The following ASAP2 variants were observed in gnomAD, a reference collection of about 807,000 sequenced individuals.
The protein encoded by ASAP2 is ArfGAP with SH3 domain, ankyrin repeat and PH domain 2.
A neutral mutation model predicts 131.4 loss-of-function variants in ASAP2; 45 were observed. The observed-to-expected ratio is 0.34, with a 90% CI of 0.27 to 0.44. ASAP2 has a LOEUF of 0.44. Among genes scored for constraint, ASAP2 ranks in the 20% least tolerant of loss-of-function variants. The pLI is 1.00. For missense variants in ASAP2, 1,011 were observed against 1,297.0 expected (o/e 0.78, Z 3.39); for synonymous variants, 510 against 503.0 (o/e 1.01, Z -0.19).
chr2:9,320,238 C>T, intron 4 of ASAP2, 50 bp from the exon 5 acceptor site: 1 of 1,479,498 alleles, frequency 6.8e-7, no homozygotes, highest in Non-Finnish European at 9.4e-7. Context: ...GTTTATCTTG[C>T]ACAGAAGTGA....
chr2:9,208,300 G>T (rs1661281857), intron 1 of ASAP2, among the ~76,000 whole-genome samples: 1 of 140,064 alleles, frequency 7.1e-6, no homozygotes, highest in African/African-American at 2.6e-5. Flanking sequence ...ATTGGGTATT[G>T]CAGGTGTTTT....
Position 9,215,668 on chromosome 2 carries a change from T to G in ASAP2, c.126+8438T>G, listed in dbSNP as rs1661969650. Among the ~76,000 whole-genome samples, 7 of 151,208 alleles carry G rather than the reference T, an allele frequency of 4.6e-5. No homozygotes were observed. In the South Asian group the frequency reaches 1.5e-3, roughly 32 times the overall value. On this transcript the variant is annotated intron_variant, in intron 1 of 27. Coordinates refer to ENST00000281419, the MANE Select transcript of ASAP2 (RefSeq NM_003887.3). ...GATGGTAAGATTTGTTTAGCTAGTT[T>G]TTTTTTTTTTTTTGGAGTGATGGAT...
chr2:9,246,928 C>T (rs1156445778), intron 1 of ASAP2, among the ~76,000 whole-genome samples: 1 of 152,140 alleles, frequency 6.6e-6, no homozygotes, highest in African/African-American at 2.4e-5. Flanking sequence ...GCAGCCTTGA[C>T]CTCCTGGACT....
chr2:9,350,209 G>A (rs1672242952), intron 11 of ASAP2, among the ~76,000 whole-genome samples: 1 of 152,126 alleles, frequency 6.6e-6, no homozygotes, highest in Non-Finnish European at 1.5e-5. Context: ...GTGTGGGGGA[G>A]AGGGTTTGGG....
intron 15 of ASAP2, among the ~76,000 whole-genome samples, chr2:9,360,439 C>T (rs962135868): frequency 6.6e-6 from 1 of 152,152 alleles, no homozygotes; most frequent in Non-Finnish European, 1.5e-5. Flanking sequence ...AAACCTTTGA[C>T]GAGCCTGGGA....
chr2:9,362,538 C>T (rs1673171860), intron 15 of ASAP2, among the ~76,000 whole-genome samples: 1 of 152,144 alleles, frequency 6.6e-6, no homozygotes, highest in African/African-American at 2.4e-5. Context: ...GGTGAGAACA[C>T]TTAAAATCTA....
At chr2:9,334,641 AATG>A in intron 7 of ASAP2, 94 bp from the exon 8 acceptor site, 1 of 1,051,010 alleles carries the variant, frequency 9.5e-7, no homozygotes, top group Non-Finnish European at 1.4e-6. Context: ...GGAGTTACAT[AATG>A]ACTTCAGTCA....
chr2:9,317,523 C>T (rs557396708), intron 3 of ASAP2, among the ~76,000 whole-genome samples: 1 of 148,230 alleles, frequency 6.7e-6, no homozygotes, highest in Non-Finnish European at 1.5e-5. Context: ...AATCACACCC[C>T]ACACTCAAAT....
intron 15 of ASAP2, among the ~76,000 whole-genome samples, chr2:9,367,080 G>C (rs932605913): frequency 1.6e-4 from 24 of 147,300 alleles, no homozygotes; most frequent in Non-Finnish European, 7.4e-5. Context: ...GCCCAGGCTG[G>C]AGTCCAGTGG....
intron 11 of ASAP2, among the ~76,000 whole-genome samples, chr2:9,349,149 A>G (rs73148762): frequency 1.6e-3 from 237 of 152,358 alleles, no homozygotes; most frequent in African/African-American, 5.4e-3. Context: ...TTGTATAGGT[A>G]TATAATAAAA....
intron 1 of ASAP2, among the ~76,000 whole-genome samples, chr2:9,252,059 C>T (rs567474607): frequency 3.3e-5 from 5 of 152,130 alleles, no homozygotes; most frequent in Non-Finnish European, 7.3e-5. Context: ...CTGTACAAAA[C>T]CTTCCCTCTG....
chr2:9,270,785 ATTTTTTTTTTTTT>A (rs35913703), intron 1 of ASAP2, among the ~76,000 whole-genome samples: 2 of 52,924 alleles, frequency 3.8e-5, no homozygotes, highest in East Asian at 9.8e-4. Context: ...AATTGTTTTC[ATTTTTTTTTTTTT>A]TTTTTTTTTT....
intron 19 of ASAP2, 46 bp downstream of exon 19, chr2:9,379,105 C>T (rs1213396997): frequency 3.7e-6 from 5 of 1,348,952 alleles, no homozygotes; most frequent in Non-Finnish European, 4.9e-6. Flanking sequence ...GCACCCTGGC[C>T]TCTGCCTCCT....
chr2:9,258,497 A>C (rs1665335233), intron 1 of ASAP2, among the ~76,000 whole-genome samples: 1 of 152,158 alleles, frequency 6.6e-6, no homozygotes, highest in Non-Finnish European at 1.5e-5. Flanking sequence ...TGTATCTAGA[A>C]GCTCAGAGGA....
intron 9 of ASAP2, among the ~76,000 whole-genome samples, chr2:9,339,540 T>C (rs972037935): frequency 6.6e-6 from 1 of 152,126 alleles, no homozygotes; most frequent in Admixed American, 6.5e-5. Context: ...TAATAAACTA[T>C]CTTAATAGTT....
In ASAP2 at chr2:9,326,441, G is replaced by A. The variant is rs193285940; in HGVS notation, c.601-1385G>A. 2.9e-3 allele frequency among the ~76,000 whole-genome samples: 440 copies of A among 151,576 alleles called. 3 individuals carry two copies. Among genetic ancestry groups the A allele is most frequent in the African/African-American group, 0.01 (425 of 41,110 alleles). Reference sequence around the variant, plus strand: ...TAAAGAAATTCAGTATGTCAAATAGGTAGTACAGACCTTCTGTGAGCGGAG... The same window carrying A: ...TAAAGAAATTCAGTATGTCAAATAGATAGTACAGACCTTCTGTGAGCGGAG... On this transcript the variant is annotated intron_variant, in intron 6 of 27. Coordinates refer to ENST00000281419, the MANE Select transcript of ASAP2 (RefSeq NM_003887.3).
intron 1 of ASAP2, among the ~76,000 whole-genome samples, chr2:9,241,196 ATTTATCTT>A (rs764448254): frequency 1.6e-4 from 24 of 152,330 alleles, no homozygotes; most frequent in Middle Eastern, 3.4e-3. Flanking sequence ...TAGCTCACAT[ATTTATCTT>A]TTAGGATACA....
At chr2:9,290,866 A>G (rs1667765407) in intron 2 of ASAP2, among the ~76,000 whole-genome samples, 1 of 152,182 alleles carries the variant, frequency 6.6e-6, no homozygotes, top group Non-Finnish European at 1.5e-5. Flanking sequence ...ACATCTAGAA[A>G]GCACTTGGCC....
At chr2:9,215,232 C>G (rs929778444) in intron 1 of ASAP2, among the ~76,000 whole-genome samples, 1 of 152,138 alleles carries the variant, frequency 6.6e-6, no homozygotes, top group Non-Finnish European at 1.5e-5. Context: ...GTAAAAATCC[C>G]TCTTATAATC....
Sources: allele counts gnomAD v4.1 joint callset (sites outside exome capture counted in the v4.1 genomes callset), GRCh38; gene constraint gnomAD v4.1.1; transcripts MANE v1.5; gene names NCBI Gene and HGNC (gene_info 2026-07-23, HGNC 2026-07-21).